The following ZNF75D variants were observed in gnomAD, a reference collection of about 807,000 sequenced individuals.
ZNF75D encodes zinc finger protein 75.
ZNF75D carries 33 observed loss-of-function variants against 33.3 expected under a neutral mutation model. The observed-to-expected ratio is 0.99, with a 90% CI of 0.75 to 1.32. The LOEUF (loss-of-function observed/expected upper bound fraction) is 1.32, where lower values mean the gene tolerates loss of function less well. ZNF75D is among the 40% of genes most tolerant of loss of function. The probability of loss-of-function intolerance (pLI) is 0.00; values close to 1 mark genes in which losing one functional copy is unlikely to be tolerated. For synonymous variants in ZNF75D, 113 were observed against 130.6 expected (o/e 0.87, Z 0.92); for missense variants, 338 against 367.5 (o/e 0.92, Z 0.66).
chrX:135,306,586 C>T (rs190322860), intron 1 of ZNF75D, among the ~76,000 whole-genome samples: 65 of 111,987 alleles, frequency 5.8e-4, no homozygotes, highest in Middle Eastern at 4.6e-3. Context: ...TACACATACA[C>T]TCAAAATTGT....
At chrX:135,271,984 G>A (rs1240005840) in intron 1 of ZNF75D, among the ~76,000 whole-genome samples, 1 of 111,061 alleles carries the variant, frequency 9.0e-6, no homozygotes, top group Non-Finnish European at 1.9e-5. Context: ...ATCTCATTTG[G>A]TTGAGGACCA....
rs1177210322 is a variant in ZNF75D, at chrX:135,298,691, A to G, written c.-390-2652T>C. 5 of 111,857 alleles carry G rather than the reference A, an allele frequency of 4.5e-5. 1 individual carries two copies. The highest frequency in any genetic ancestry group is 7.4e-4 in the South Asian group (2 of 2,705). The allele number at this position is 111,857 out of a possible 1,213,427, so 9.2% of individuals were successfully genotyped here. On this transcript the variant is annotated intron_variant, in intron 1 of 6. Transcript: ENST00000370766. Reference sequence around the variant, plus strand: ...TTTAAATATACTCAAAGAGTTGTGTAACCAATGTGGCAATCAATTATAGAA... The same window carrying G: ...TTTAAATATACTCAAAGAGTTGTGTGACCAATGTGGCAATCAATTATAGAA...
intron 1 of ZNF75D, among the ~76,000 whole-genome samples, chrX:135,336,397 G>A (rs2084712278): frequency 8.9e-6 from 1 of 112,943 alleles, no homozygotes; most frequent in Admixed American, 9.3e-5. Context: ...TAATATGCAC[G>A]AACATGTTCA....
chrX:135,295,482 C>T (rs1184515145), intron 2 of ZNF75D, among the ~76,000 whole-genome samples: 2 of 111,945 alleles, frequency 1.8e-5, no homozygotes, highest in African/African-American at 3.3e-5. Context: ...ACTAGTATCC[C>T]TGGGTTATAT....
intron 1 of ZNF75D, among the ~76,000 whole-genome samples, chrX:135,306,744 G>A (rs1187219986): frequency 8.9e-6 from 1 of 112,393 alleles, no homozygotes; most frequent in African/African-American, 3.2e-5. Context: ...ATAAAAAGTT[G>A]CATGTGTGTT....
chrX:135,265,176 G>A (rs1274365063), intron 1 of ZNF75D, among the ~76,000 whole-genome samples: 3 of 107,106 alleles, frequency 2.8e-5, no homozygotes, highest in African/African-American at 1.0e-4. Flanking sequence ...CTGAGTTCAC[G>A]CCATTACACT....
chrX:135,267,806 C>CA (rs371405813), intron 1 of ZNF75D, among the ~76,000 whole-genome samples: 20,265 of 92,387 alleles, frequency 0.22, 1,968 homozygotes, highest in Middle Eastern at 0.38. Flanking sequence ...AAAGATACAC[C>CA]AAAAAAAAAA....
At chrX:135,303,691 T>C (rs2084249444) in intron 1 of ZNF75D, among the ~76,000 whole-genome samples, 1 of 112,501 alleles carries the variant, frequency 8.9e-6, no homozygotes, top group Non-Finnish European at 1.9e-5. Context: ...CTGATCTCTC[T>C]TTTCCCCACA....
At chrX:135,311,161 T>G (rs998813224) in intron 1 of ZNF75D, among the ~76,000 whole-genome samples, 21 of 112,629 alleles carry the variant, frequency 1.9e-4, no homozygotes, top group African/African-American at 6.4e-4. Context: ...AAATCGTGGC[T>G]AGGCCTTTGA....
chrX:135,309,181 A>C (rs2084326353), intron 1 of ZNF75D, among the ~76,000 whole-genome samples: 1 of 111,874 alleles, frequency 8.9e-6, no homozygotes, highest in Non-Finnish European at 1.9e-5. Context: ...CTTGAGCTAT[A>C]AGCTAGCACT....
At chrX:135,281,823 C>T (rs1281107850), downstream of ZNF75D, among the ~76,000 whole-genome samples, 1 of 112,547 alleles carries the variant, frequency 8.9e-6, no homozygotes, top group Non-Finnish European at 1.9e-5. Context: ...GCAGAGGCTG[C>T]AGAACAGCAA....
intron 1 of ZNF75D, among the ~76,000 whole-genome samples, chrX:135,333,429 G>A (rs1389832213): frequency 9.0e-6 from 1 of 111,604 alleles, no homozygotes; most frequent in Non-Finnish European, 1.9e-5. Flanking sequence ...GTATAGAGAA[G>A]GAAGTAGGAT....
chrX:135,269,736 C>G (rs2083875387), intron 1 of ZNF75D, among the ~76,000 whole-genome samples: 1 of 111,627 alleles, frequency 9.0e-6, no homozygotes. Context: ...TCCAACAATT[C>G]CACTGCTGAG....
At chrX:135,264,444 G>A in intron 1 of ZNF75D, among the ~76,000 whole-genome samples, 1 of 111,467 alleles carries the variant, frequency 9.0e-6, no homozygotes, top group Middle Eastern at 4.6e-3. Flanking sequence ...AGTCTGCATA[G>A]ACTACAATGA....
chrX:135,320,085 G>A lies in ZNF75D; in HGVS notation c.-391+21683C>T, dbSNP rs2084476888. On this transcript the variant is annotated intron_variant, in intron 1 of 6. Transcript: ENST00000370766. ...CAAGGCAGGCAGGCCACGAGGTCAG[G>A]AGTTTGAGACCAGCCTGGCTAACAT... is the stretch of plus-strand genomic sequence containing the variant. 5.4e-5 allele frequency among the ~76,000 whole-genome samples: 6 copies of A among 111,899 alleles called. No homozygotes were observed. In the South Asian group the frequency reaches 1.9e-3, roughly 35 times the overall value.
At chrX:135,299,023 T>C (rs1160875934) in intron 1 of ZNF75D, among the ~76,000 whole-genome samples, 2 of 112,661 alleles carry the variant, frequency 1.8e-5, no homozygotes, top group Admixed American at 9.4e-5. Flanking sequence ...ATTTTGTTTA[T>C]CCATTCATCA....
intron 1 of ZNF75D, among the ~76,000 whole-genome samples, chrX:135,317,935 T>C (rs1201024834): frequency 5.5e-5 from 6 of 109,828 alleles, no homozygotes; most frequent in Admixed American, 4.8e-4. Context: ...CTGGGTGCAG[T>C]GTCACCTTCA....
downstream of ZNF75D, among the ~76,000 whole-genome samples, chrX:135,283,881 C>T: frequency 8.9e-6 from 1 of 111,884 alleles, no homozygotes; most frequent in East Asian, 2.8e-4. Context: ...GCTTGACCCA[C>T]TCACATGCTC....
intron 1 of ZNF75D, among the ~76,000 whole-genome samples, chrX:135,321,552 T>C (rs1206157094): frequency 2.7e-5 from 3 of 111,330 alleles, no homozygotes; most frequent in East Asian, 2.8e-4. Context: ...CATCTCTCCA[T>C]TGTTACAGAA....
Sources: gnomAD v4.1 joint callset for allele counts (sites outside exome capture counted in the v4.1 genomes callset) on GRCh38, gnomAD v4.1.1 for gene constraint, MANE v1.5 for transcripts, NCBI Gene and HGNC (gene_info 2026-07-23, HGNC 2026-07-21) for gene names.